OR1L4: variants seen among roughly 807,000 people sequenced by gnomAD.
OR1L4 encodes olfactory receptor 1L4.
Under a neutral mutation model 3.5 loss-of-function variants are expected in OR1L4, and 4 were observed. The observed-to-expected ratio is 1.15, with a 90% CI of 0.57 to 2.63. The LOEUF (loss-of-function observed/expected upper bound fraction) is 2.63, where lower values mean the gene tolerates loss of function less well. Ranked by LOEUF, OR1L4 falls within the 30% of genes most tolerant of loss-of-function variation. The probability of loss-of-function intolerance (pLI) is 0.02; values close to 1 mark genes in which losing one functional copy is unlikely to be tolerated. For missense variants in OR1L4, 291 were observed against 378.5 expected, an observed-to-expected ratio of 0.77 and a Z score of 1.92; for synonymous variants, 123 against 149.1, an observed-to-expected ratio of 0.83 and a Z score of 1.27.
At position 122,724,536 on chromosome 9, in the gene OR1L4, C is replaced by T. The variant is rs1032847834; in HGVS notation, c.547C>T (p.Gln183Ter). ...HIIKHFFCDT[Q>*]PVLKLSCSDT... ...CATTAAGCACTTTTTCTGTGACACC[C>T]AGCCTGTGCTAAAGCTCTCCTGCTC... The change falls in exon 1 of 1, where the codon CAG becomes TAG. Residue 183 changes from glutamine to a stop codon, truncating the protein, a stop_gained. Coordinates refer to ENST00000259466, the MANE Select transcript of OR1L4 (RefSeq NM_001005235.1). LOFTEE classifies it high-confidence loss of function. The T allele has an allele frequency of 1.2e-6, 2 of 1,614,266 alleles. No individual in the cohort carries two copies. The highest frequency in any genetic ancestry group is 1.7e-6 in the Non-Finnish European group (2 of 1,180,050).
Position 122,724,484 on chromosome 9 carries a change from T to A in OR1L4, c.495T>A (p.Ser165=). ...CCCTGTTCCGCGTGCTACTTATGTCTCGCTTGTCTTTCTGTGCCTCTCACA... is the reference window on the plus strand; with the variant it reads ...CCCTGTTCCGCGTGCTACTTATGTCACGCTTGTCTTTCTGTGCCTCTCACA... ...LHSLFRVLLM[S]RLSFCASHII... is the part of the protein sequence containing the mutation. The change falls in exon 1 of 1, where the codon TCT becomes TCA. Residue 165 remains serine, a synonymous_variant. Coordinates refer to ENST00000259466, the MANE Select transcript of OR1L4 (RefSeq NM_001005235.1). The A allele has an allele frequency of 6.2e-7, 1 of 1,614,254 alleles. No individual in the cohort carries two copies. The highest frequency in any genetic ancestry group is 8.5e-7 in the Non-Finnish European group (1 of 1,180,052).
Position 122,724,921 on chromosome 9 carries a change from C to T in OR1L4, c.932C>T (p.Ser311Leu). Residue 311 changes from serine (S) to leucine (L), a missense_variant, in exon 1 of 1, where the codon TCA becomes TTA. Physicochemically the swap from Ser to Leu is moderately radical, Grantham distance 145. Around this residue, in one of 3 missense-constraint regions of OR1L4, gnomAD observed 62 missense variants for 71.8 expected, o/e 0.86. Coordinates refer to ENST00000259466, the MANE Select transcript of OR1L4 (RefSeq NM_001005235.1). The stretch of plus-strand genomic sequence containing the variant: ...AAGAAATTAAGACACAGAATTTACT[C>T]ATAGAAAGAACAAAATGTTGGCATG... ...GLKKLRHRIY[S>L] 6.3e-7 allele frequency: 1 copy of T among 1,590,040 alleles called. No individual in the cohort carries two copies. The highest frequency in any genetic ancestry group is 8.6e-7 in the Non-Finnish European group (1 of 1,169,572).
Position 122,724,104 on chromosome 9 carries a change from A to T in OR1L4, c.115A>T (p.Thr39Ser), listed in dbSNP as rs144203077. 2.5e-6 allele frequency: 4 copies of T among 1,612,458 alleles called. No individual in the cohort carries two copies. The East Asian group carries it at 8.9e-5, about 36-fold the overall frequency. The part of the protein sequence containing the change: ...FAIFLIMYLL[T>S]AVGNVLIILA... The stretch of plus-strand genomic sequence containing the variant: ...CATCTTCCTCATCATGTACCTACTC[A>T]CTGCGGTGGGGAATGTGCTCATCAT... Residue 39 changes from threonine to serine, a missense_variant, in exon 1 of 1, where the codon ACT becomes TCT. Transcript: ENST00000259466.
Position 122,724,318 on chromosome 9 carries a change from A to G in OR1L4, c.329A>G (p.Asn110Ser). The change falls in exon 1 of 1, where the codon AAC becomes AGC. Residue 110 changes from asparagine to serine, a missense_variant. By Grantham distance (46) the Asn-to-Ser change is conservative. Transcript: ENST00000259466. ...ATGTACTTCTTCATGGCATTTGGGA[A>G]CACTGACAGCTACCTGCTGGCCTCT... is the stretch of plus-strand genomic sequence containing the variant. ...IQMYFFMAFG[N>S]TDSYLLASMA... 2 of 1,614,198 alleles carry G rather than the reference A, an allele frequency of 1.2e-6. No individual in the cohort carries two copies. Among genetic ancestry groups the G allele is most frequent in the Non-Finnish European group, 1.7e-6 (2 of 1,180,044 alleles).
At position 122,724,018 on chromosome 9, in the gene OR1L4, C is replaced by T; in HGVS notation, c.29C>T (p.Thr10Ile). Reference protein sequence around the residue: METKNYSSSTSGFILLGLSS... With the variant: METKNYSSSISGFILLGLSS... ...GAGACAAAGAATTATAGCAGCAGCA[C>T]CTCAGGCTTCATCCTCCTGGGCCTC... Residue 10 changes from threonine to isoleucine, a missense_variant, in exon 1 of 1, where the codon ACC becomes ATC. Thr to Ile is a moderately conservative substitution (Grantham distance 89). Transcript: ENST00000259466. 2.5e-6 allele frequency: 4 copies of T among 1,614,088 alleles called. No homozygotes were observed. The highest frequency in any genetic ancestry group is 3.4e-6 in the Non-Finnish European group (4 of 1,180,012).
chr9:122,724,794 G>A lies in OR1L4; in HGVS notation c.805G>A (p.Val269Met). 1.2e-6 allele frequency: 2 copies of A among 1,614,114 alleles called. No homozygotes were observed. Among genetic ancestry groups the A allele is most frequent in the Non-Finnish European group, 1.7e-6 (2 of 1,180,016 alleles). Residue 269 changes from valine (V) to methionine (M), a missense_variant, in exon 1 of 1, where the codon GTG (valine) becomes ATG (methionine). This residue lies in a region of OR1L4 where 62 missense variants were observed against 71.8 expected (regional missense o/e 0.86). Transcript: ENST00000259466. Reference sequence around the variant, plus strand: ...TTTTAGGCCTCTGTCCATGTACTCAGTGATGAAGGGCCGGGTAGCCACAGT... The same window carrying A: ...TTTTAGGCCTCTGTCCATGTACTCAATGATGAAGGGCCGGGTAGCCACAGT... ...VYFRPLSMYSVMKGRVATVMY... is the reference protein window; with the variant it reads ...VYFRPLSMYSMMKGRVATVMY...
Position 122,724,807 on chromosome 9 carries a change from G to T in OR1L4, c.818G>T (p.Arg273Leu), listed in dbSNP as rs756994886. ...TCCATGTACTCAGTGATGAAGGGCC[G>T]GGTAGCCACAGTTATGTACACAGTA... ...PLSMYSVMKGRVATVMYTVVT... is the reference protein window; with the variant it reads ...PLSMYSVMKGLVATVMYTVVT... The change falls in exon 1 of 1, where the codon CGG (arginine) becomes CTG (leucine). Residue 273 changes from arginine to leucine, a missense_variant. Physicochemically the swap from Arg to Leu is moderately radical, Grantham distance 102. Around this residue, in one of 3 missense-constraint regions of OR1L4, gnomAD observed 62 missense variants for 71.8 expected, o/e 0.86. Transcript: ENST00000259466. 3 of 1,614,056 alleles carry T rather than the reference G, an allele frequency of 1.9e-6. No homozygotes were observed.
At position 122,724,188 on chromosome 9, in the gene OR1L4, T is replaced by C. The variant is rs573053722; in HGVS notation, c.199T>C (p.Leu67=). The C allele has an allele frequency of 4.3e-6, 7 of 1,614,206 alleles. No homozygotes were observed. In the South Asian group the frequency reaches 7.7e-5, roughly 18 times the overall value. Residue 67 remains leucine, a synonymous_variant, in exon 1 of 1, where the codon TTG becomes CTG. Coordinates refer to ENST00000259466, the MANE Select transcript of OR1L4 (RefSeq NM_001005235.1). ...CCCTATGTACTTTTTTCTCAGCAAC[T>C]TGTCTTTCATGGATATCTGCTTCAC... ...HTPMYFFLSN[L]SFMDICFTTV...
Position 122,724,078 on chromosome 9 carries a change from C to T in OR1L4, c.89C>T (p.Ala30Val), listed in dbSNP as rs1436814554. ...CCTAAGCTGCAGAAACCTCTCTTTGCCATCTTCCTCATCATGTACCTACTC... is the reference window on the plus strand; with the variant it reads ...CCTAAGCTGCAGAAACCTCTCTTTGTCATCTTCCTCATCATGTACCTACTC... ...SNPKLQKPLF[A>V]IFLIMYLLTA... The change falls in exon 1 of 1, where the codon GCC becomes GTC. Residue 30 changes from alanine (A) to valine (V), a missense_variant. By Grantham distance (64) the Ala-to-Val change is moderately conservative. This residue lies in a region of OR1L4 where 165 missense variants were observed against 169.9 expected (regional missense o/e 0.97). Coordinates refer to ENST00000259466, the MANE Select transcript of OR1L4 (RefSeq NM_001005235.1). 8 of 1,614,016 alleles carry T rather than the reference C, an allele frequency of 5.0e-6. No homozygotes were observed. The highest frequency in any genetic ancestry group is 5.9e-6 in the Non-Finnish European group (7 of 1,180,030).
At position 122,724,199 on chromosome 9, in the gene OR1L4, G is replaced by C. The variant is rs780872024; in HGVS notation, c.210G>C (p.Met70Ile). The C allele has an allele frequency of 6.2e-6, 10 of 1,614,118 alleles. No individual in the cohort carries two copies. In the East Asian group the frequency reaches 2.0e-4, roughly 32 times the overall value. The part of the protein sequence containing the change: ...MYFFLSNLSF[M>I]DICFTTVIVP... ...TTTTTCTCAGCAACTTGTCTTTCATGGATATCTGCTTCACAACAGTCATAG... is the reference window on the plus strand; with the variant it reads ...TTTTTCTCAGCAACTTGTCTTTCATCGATATCTGCTTCACAACAGTCATAG... Residue 70 changes from methionine to isoleucine, a missense_variant, in exon 1 of 1, where the codon ATG becomes ATC. Met to Ile is a conservative substitution (Grantham distance 10). Around this residue, in one of 3 missense-constraint regions of OR1L4, gnomAD observed 165 missense variants for 169.9 expected, o/e 0.97. Coordinates refer to ENST00000259466, the MANE Select transcript of OR1L4 (RefSeq NM_001005235.1).
rs557411014 is a variant in OR1L4, at chr9:122,724,567, C to T, written c.578C>T (p.Thr193Ile). ...GTGCTAAAGCTCTCCTGCTCTGACA[C>T]ATCCTCCAGCCAGATGGTGGTGATG... is the stretch of plus-strand genomic sequence containing the variant. ...QPVLKLSCSD[T>I]SSSQMVVMTE... Residue 193 changes from threonine to isoleucine, a missense_variant, in exon 1 of 1, where the codon ACA (threonine) becomes ATA (isoleucine). Thr to Ile is a moderately conservative substitution (Grantham distance 89, BLOSUM62 -1). Coordinates refer to ENST00000259466, the MANE Select transcript of OR1L4 (RefSeq NM_001005235.1). The T allele has an allele frequency of 1.2e-6, 2 of 1,614,300 alleles. No homozygotes were observed. The highest frequency in any genetic ancestry group is 2.2e-5 in the South Asian group (2 of 91,092).
In OR1L4 at chr9:122,724,458, T is replaced by C. The variant is rs1415821667; in HGVS notation, c.469T>C (p.Ser157Pro). ...LGSCSISHLH[S>P]LFRVLLMSRL... ...TTCTTGCAGCATCTCCCACCTACAT[T>C]CCCTGTTCCGCGTGCTACTTATGTC... The change falls in exon 1 of 1, where the codon TCC (serine) becomes CCC (proline). Residue 157 changes from serine to proline, a missense_variant. Ser to Pro is a moderately conservative substitution (Grantham distance 74, BLOSUM62 -1). Around this residue, in one of 3 missense-constraint regions of OR1L4, gnomAD observed 64 missense variants for 136.8 expected, o/e 0.47. Transcript: ENST00000259466. The C allele has an allele frequency of 7.4e-6, 12 of 1,614,232 alleles. No homozygotes were observed. Among genetic ancestry groups the C allele is most frequent in the East Asian group, 2.2e-5 (1 of 44,886 alleles).
In OR1L4 at chr9:122,724,239, G is replaced by A. The variant is rs1828617624; in HGVS notation, c.250G>A (p.Val84Met). ...FTTVIVPKML[V>M]NFLSETKIIS... ...AACAGTCATAGTGCCTAAGATGCTGGTGAATTTTCTATCAGAGACAAAGAT... is the reference window on the plus strand; with the variant it reads ...AACAGTCATAGTGCCTAAGATGCTGATGAATTTTCTATCAGAGACAAAGAT... The change falls in exon 1 of 1, where the codon GTG becomes ATG. Residue 84 changes from valine (V) to methionine (M), a missense_variant. By Grantham distance (21) the Val-to-Met change is conservative (BLOSUM62 1). Coordinates refer to ENST00000259466, the MANE Select transcript of OR1L4 (RefSeq NM_001005235.1). 6.2e-6 allele frequency: 10 copies of A among 1,614,030 alleles called. No individual in the cohort carries two copies. Among genetic ancestry groups the A allele is most frequent in the South Asian group, 1.1e-5 (1 of 91,088 alleles).
Position 122,724,686 on chromosome 9 carries a change from G to A in OR1L4, c.697G>A (p.Ala233Thr), listed in dbSNP as rs776996996. The change falls in exon 1 of 1, where the codon GCC becomes ACC. Residue 233 changes from alanine (A) to threonine (T), a missense_variant. Physicochemically the swap from Ala to Thr is moderately conservative, Grantham distance 58 (BLOSUM62 0). Transcript: ENST00000259466. Reference protein sequence around the residue: ...IVTVLRIPSAAGKWKAFSTCG... With the variant: ...IVTVLRIPSATGKWKAFSTCG... The stretch of plus-strand genomic sequence containing the variant: ...CACTGTGCTCAGAATCCCCTCTGCA[G>A]CCGGGAAGTGGAAGGCCTTCTCTAC... 6.2e-7 allele frequency: 1 copy of A among 1,614,140 alleles called. No individual in the cohort carries two copies. The highest frequency in any genetic ancestry group is 1.1e-5 in the South Asian group (1 of 91,086).
In OR1L4 at chr9:122,724,903, T is replaced by G. The variant is rs778538709; in HGVS notation, c.914T>G (p.Leu305Ter). The G allele has an allele frequency of 1.2e-6, 2 of 1,606,006 alleles. No individual in the cohort carries two copies. Among genetic ancestry groups the G allele is most frequent in the East Asian group, 4.5e-5 (2 of 44,834 alleles). The change falls in exon 1 of 1, where the codon TTA (leucine) becomes TGA (stop). Residue 305 changes from leucine (L) to a stop codon, truncating the protein, a stop_gained. Coordinates refer to ENST00000259466, the MANE Select transcript of OR1L4 (RefSeq NM_001005235.1). LOFTEE classifies it high-confidence loss of function. ...GATATGAAAAGGGGTTTGAAGAAATTAAGACACAGAATTTACTCATAGAAA... is the reference window on the plus strand; with the variant it reads ...GATATGAAAAGGGGTTTGAAGAAATGAAGACACAGAATTTACTCATAGAAA... ...NKDMKRGLKK[L>*]RHRIYS
Position 122,724,141 on chromosome 9 carries a change from A to G in OR1L4, c.152A>G (p.Tyr51Cys). The change falls in exon 1 of 1, where the codon TAC (tyrosine) becomes TGC (cysteine). Residue 51 changes from tyrosine to cysteine, a missense_variant. Coordinates refer to ENST00000259466, the MANE Select transcript of OR1L4 (RefSeq NM_001005235.1). Reference sequence around the variant, plus strand: ...AATGTGCTCATCATCCTGGCCATCTACTCTGACCCCAGGCTCCACACCCCT... The same window carrying G: ...AATGTGCTCATCATCCTGGCCATCTGCTCTGACCCCAGGCTCCACACCCCT... ...VGNVLIILAI[Y>C]SDPRLHTPMY... 6.2e-7 allele frequency: 1 copy of G among 1,613,750 alleles called. No homozygotes were observed. The highest frequency in any genetic ancestry group is 8.5e-7 in the Non-Finnish European group (1 of 1,179,942).
In OR1L4 at chr9:122,724,659, G is replaced by A. The variant is rs142259290; in HGVS notation, c.670G>A (p.Val224Ile). 576 of 1,614,104 alleles carry A rather than the reference G, an allele frequency of 3.6e-4. No homozygotes were observed. In the African/African-American group the frequency reaches 5.9e-3, roughly 16 times the overall value. ...CATCTTCTCCTACCTGCAAATCATC[G>A]TCACTGTGCTCAGAATCCCCTCTGC... The part of the protein sequence containing the change: ...CTIFSYLQII[V>I]TVLRIPSAAG... The change falls in exon 1 of 1, where the codon GTC becomes ATC. Residue 224 changes from valine (V) to isoleucine (I), a missense_variant. Coordinates refer to ENST00000259466, the MANE Select transcript of OR1L4 (RefSeq NM_001005235.1).
At position 122,724,327 on chromosome 9, in the gene OR1L4, G is replaced by C; in HGVS notation, c.338G>C (p.Ser113Thr). Residue 113 changes from serine to threonine, a missense_variant, in exon 1 of 1, where the codon AGC becomes ACC. By Grantham distance (58) the Ser-to-Thr change is moderately conservative. Transcript: ENST00000259466. ...YFFMAFGNTDSYLLASMAIDR... is the reference protein window; with the variant it reads ...YFFMAFGNTDTYLLASMAIDR... Reference sequence around the variant, plus strand: ...TTCATGGCATTTGGGAACACTGACAGCTACCTGCTGGCCTCTATGGCCATC... The same window carrying C: ...TTCATGGCATTTGGGAACACTGACACCTACCTGCTGGCCTCTATGGCCATC... 1 of 1,614,222 alleles carries C rather than the reference G, an allele frequency of 6.2e-7. No individual in the cohort carries two copies. Among genetic ancestry groups the C allele is most frequent in the Non-Finnish European group, 8.5e-7 (1 of 1,180,046 alleles).
chr9:122,724,412 T>C lies in OR1L4; in HGVS notation c.423T>C (p.His141=). ...LHYDVVMKPW[H]CLLMLLGSCS... Reference sequence around the variant, plus strand: ...ATGATGTGGTTATGAAACCATGGCATTGCCTACTCATGCTATTGGGTTCTT... The same window carrying C: ...ATGATGTGGTTATGAAACCATGGCACTGCCTACTCATGCTATTGGGTTCTT... Residue 141 remains histidine (H), a synonymous_variant, in exon 1 of 1, where the codon CAT becomes CAC. Transcript: ENST00000259466. 1 of 1,614,266 alleles carries C rather than the reference T, an allele frequency of 6.2e-7. No homozygotes were observed. Among genetic ancestry groups the C allele is most frequent in the Non-Finnish European group, 8.5e-7 (1 of 1,180,046 alleles).
Sources: allele counts gnomAD v4.1 joint callset, GRCh38; gene constraint gnomAD v4.1.1; regional missense constraint gnomAD v4.1.1; transcripts MANE v1.5; gene names NCBI Gene and HGNC (gene_info 2026-07-23, HGNC 2026-07-21).